The following ZNF79 variants were observed in gnomAD, a reference collection of about 807,000 sequenced individuals.
ZNF79 encodes the protein ZNFpT7.
Under a neutral mutation model 14.9 loss-of-function variants are expected in ZNF79, and 13 were observed. The observed-to-expected ratio is 0.87, with a 90% CI of 0.57 to 1.38. The LOEUF (loss-of-function observed/expected upper bound fraction) is 1.38, where lower values mean the gene tolerates loss of function less well. Among genes scored for constraint, ZNF79 ranks in the 40% most tolerant of loss-of-function variants. The pLI, the probability that ZNF79 is intolerant of heterozygous loss-of-function variation, is 0.00. For synonymous variants in ZNF79, 223 were observed against 235.1 expected, an observed-to-expected ratio of 0.95 and a Z score of 0.47; for missense variants, 631 against 630.6, an observed-to-expected ratio of 1.00 and a Z score of -0.01.
At chr9:127,441,831 G>GC (rs1463152367) in intron 4 of ZNF79, among the ~76,000 whole-genome samples, 3 of 152,110 alleles carry the variant, frequency 2.0e-5, no homozygotes, top group Non-Finnish European at 4.4e-5. Flanking sequence ...TGTAATCCCA[G>GC]CTACTTGGGA....
At chr9:127,436,047 A>G in intron 4 of ZNF79, 44 bp downstream of exon 4, 1 of 1,563,088 alleles carries the variant, frequency 6.4e-7, no homozygotes, top group African/African-American at 1.4e-5. Context: ...TGGGAGCAAA[A>G]GCGCCTTTAA....
At position 127,444,470 on chromosome 9, in the gene ZNF79, C is replaced by T. The variant is rs760061586; in HGVS notation, c.770C>T (p.Ala257Val). 4 of 1,610,070 alleles carry T rather than the reference C, an allele frequency of 2.5e-6. No individual in the cohort carries two copies. Among genetic ancestry groups the T allele is most frequent in the Non-Finnish European group, 3.4e-6 (4 of 1,176,620 alleles). Residue 257 changes from alanine to valine, a missense_variant, in exon 5 of 5, where the codon GCC becomes GTC. By Grantham distance (64) the Ala-to-Val change is moderately conservative. Coordinates refer to ENST00000342483, the MANE Select transcript of ZNF79 (RefSeq NM_007135.3). Reference sequence around the variant, plus strand: ...TACAAGTGCAGTGAATGTGGAAGAGCCTTCAGCCAGAACGCCAACCTCACC... The same window carrying T: ...TACAAGTGCAGTGAATGTGGAAGAGTCTTCAGCCAGAACGCCAACCTCACC... The part of the protein sequence containing the change: ...KPYKCSECGR[A>V]FSQNANLTKH...
intron 3 of ZNF79, 93 bp downstream of exon 3, chr9:127,435,309 G>C (rs1833928555): frequency 3.6e-6 from 5 of 1,390,734 alleles, no homozygotes; most frequent in Non-Finnish European, 9.6e-7. Flanking sequence ...TGACTGGTGT[G>C]ATGTACCAGA....
At chr9:127,441,914 C>T (rs934144766) in intron 4 of ZNF79, among the ~76,000 whole-genome samples, 1 of 146,350 alleles carries the variant, frequency 6.8e-6, no homozygotes, top group African/African-American at 2.6e-5. Context: ...CACTGCACTC[C>T]AGCCTGGGTG....
chr9:127,443,499 G>A (rs1345862594), intron 4 of ZNF79, among the ~76,000 whole-genome samples: 3 of 152,172 alleles, frequency 2.0e-5, no homozygotes, highest in African/African-American at 7.2e-5. Flanking sequence ...ATGACTGGCA[G>A]CGCAGTAAGT....
At chr9:127,441,847 A>G (rs2131961667) in intron 4 of ZNF79, among the ~76,000 whole-genome samples, 1 of 152,000 alleles carries the variant, frequency 6.6e-6, no homozygotes, top group Non-Finnish European at 1.5e-5. Context: ...TGGGAGGCTG[A>G]GGCAGGAGAA....
chr9:127,430,492 C>T (rs896797786), intron 2 of ZNF79, among the ~76,000 whole-genome samples: 2 of 152,132 alleles, frequency 1.3e-5, no homozygotes, highest in Admixed American at 6.6e-5. Context: ...TGGTATTTAG[C>T]TTCCCCACTT....
At chr9:127,436,473 T>C (rs1049183368) in intron 4 of ZNF79, among the ~76,000 whole-genome samples, 1 of 152,232 alleles carries the variant, frequency 6.6e-6, no homozygotes, top group Non-Finnish European at 1.5e-5. Flanking sequence ...ATTCTGCTCC[T>C]GCTTTCTCAC....
At chr9:127,436,778 C>T (rs1224046295) in intron 4 of ZNF79, among the ~76,000 whole-genome samples, 2 of 152,062 alleles carry the variant, frequency 1.3e-5, no homozygotes, top group Non-Finnish European at 2.9e-5. Context: ...CAGCCTGGGC[C>T]AGGTGCAGTG....
chr9:127,442,959 A>C (rs1485046372), intron 4 of ZNF79, among the ~76,000 whole-genome samples: 1 of 152,204 alleles, frequency 6.6e-6, no homozygotes, highest in Non-Finnish European at 1.5e-5. Flanking sequence ...TAACAGGATC[A>C]TGCGTATCAC....
At chr9:127,424,855 T>C in intron 1 of ZNF79, 52 bp downstream of exon 1, 1 of 1,611,178 alleles carries the variant, frequency 6.2e-7, no homozygotes, top group South Asian at 1.1e-5. Context: ...CTGCTTCGTT[T>C]GCCCACGACT....
At chr9:127,436,471 C>T (rs1231792240) in intron 4 of ZNF79, among the ~76,000 whole-genome samples, 1 of 152,202 alleles carries the variant, frequency 6.6e-6, no homozygotes, top group Non-Finnish European at 1.5e-5. Context: ...TCATTCTGCT[C>T]CTGCTTTCTC....
At chr9:127,439,160 G>A (rs1456437349) in intron 4 of ZNF79, among the ~76,000 whole-genome samples, 1 of 144,776 alleles carries the variant, frequency 6.9e-6, no homozygotes, top group Non-Finnish European at 1.5e-5. Context: ...GGAGTTATGA[G>A]CCAGGAACTG....
chr9:127,424,660 AGGCTGGAGAGGAAGAGTCCGGCCTG>A lies in ZNF79; in HGVS notation c.-125_-101del. ...GATCAGACCGTGCCTCTGCGGGGAG[AGGCTGGAGAGGAAGAGTCCGGCCTG>A]GGAGCCGTCAGAGCAGCCCTGCAGA... On this transcript the variant is annotated 5_prime_UTR_variant, in exon 1 of 5. Coordinates refer to ENST00000342483, the MANE Select transcript of ZNF79 (RefSeq NM_007135.3). 7.0e-7 allele frequency: 1 copy of A among 1,425,488 alleles called. No homozygotes were observed. Among genetic ancestry groups the A allele is most frequent in the Non-Finnish European group, 9.7e-7 (1 of 1,029,900 alleles). The allele number at this position is 1,425,488 out of a possible 1,614,324, so 88.3% of individuals were successfully genotyped here.
At position 127,445,302 on chromosome 9, in the gene ZNF79, A is replaced by G. The variant is rs1834151825; in HGVS notation, c.*105A>G. The G allele has an allele frequency of 1.6e-6, 2 of 1,288,048 alleles. No homozygotes were observed. The highest frequency in any genetic ancestry group is 1.5e-5 in the African/African-American group (1 of 67,652). The allele number at this position is 1,288,048 out of a possible 1,614,324, so 79.8% of individuals were successfully genotyped here. A position where few individuals can be genotyped will look rare whatever the true frequency, so the allele number is the denominator to read the frequency against. ...GGCTTGAAAGCATCTGAAGACATCT[A>G]ACTTAGAGTCTGCAGCCCAGAGCCA... is the stretch of plus-strand genomic sequence containing the variant. On this transcript the variant is annotated 3_prime_UTR_variant, in exon 5 of 5. Transcript: ENST00000342483.
intron 4 of ZNF79, 112 bp downstream of exon 4, chr9:127,436,115 C>T (rs1204223342): frequency 1.2e-6 from 1 of 843,340 alleles, no homozygotes; most frequent in Non-Finnish European, 1.9e-6. Flanking sequence ...CTATTACCCC[C>T]ATTCTACAGA....
chr9:127,440,826 G>A (rs1023548877), intron 4 of ZNF79, among the ~76,000 whole-genome samples: 4 of 152,122 alleles, frequency 2.6e-5, no homozygotes, highest in African/African-American at 9.7e-5. Context: ...GATGTGAGAT[G>A]TAGGGGAGGT....
chr9:127,427,234 G>C (rs536585618), intron 1 of ZNF79, among the ~76,000 whole-genome samples: 1 of 148,718 alleles, frequency 6.7e-6, no homozygotes, highest in South Asian at 2.2e-4. Flanking sequence ...CCTGGCCAAC[G>C]TGGTGAAACC....
rs759070085 is a variant in ZNF79, at chr9:127,435,228, GTTTC to G, written c.232+16_232+19del. On this transcript the variant is annotated intron_variant, in intron 3 of 4. Transcript: ENST00000342483. ...CCTTGTCCTACTAGGTAAGGAAACTGTTTCTTTAAGATTTAGAATCACTCAATTC... is the reference window on the plus strand; with the variant it reads ...CCTTGTCCTACTAGGTAAGGAAACTGTTTAAGATTTAGAATCACTCAATTC... 6.3e-7 allele frequency: 1 copy of G among 1,578,176 alleles called. No individual in the cohort carries two copies. Among genetic ancestry groups the G allele is most frequent in the South Asian group, 1.2e-5 (1 of 85,518 alleles).
Sources: allele counts gnomAD v4.1 joint callset (sites outside exome capture counted in the v4.1 genomes callset), GRCh38; gene constraint gnomAD v4.1.1; transcripts MANE v1.5; gene names NCBI Gene and HGNC (gene_info 2026-07-23, HGNC 2026-07-21).